C1orf21: variants seen among roughly 807,000 people sequenced by gnomAD.
The protein encoded by C1orf21 is chromosome 1 open reading frame 21.
In C1orf21, 3 loss-of-function variants were observed where a neutral mutation model predicts 18.7. That is an observed-to-expected ratio of 0.16 (90% CI 0.07 to 0.42). The LOEUF is 0.42. Ranked by LOEUF, C1orf21 falls within the 10% of genes least tolerant of loss-of-function variation. The probability of loss-of-function intolerance (pLI) is 0.99; values close to 1 mark genes in which losing one functional copy is unlikely to be tolerated. For missense variants in C1orf21, 104 were observed against 143.6 expected, an observed-to-expected ratio of 0.72 and a Z score of 1.41; for synonymous variants, 41 against 46.4, an observed-to-expected ratio of 0.88 and a Z score of 0.47.
At chr1:184,566,113 C>T (rs890591370) in intron 3 of C1orf21, among the ~76,000 whole-genome samples, 1 of 152,060 alleles carries the variant, frequency 6.6e-6, no homozygotes, top group African/African-American at 2.4e-5. Flanking sequence ...GAAGATCCCC[C>T]AGCAAAGTAG....
At chr1:184,477,869 T>G (rs1003032946) in intron 2 of C1orf21, among the ~76,000 whole-genome samples, 1 of 152,208 alleles carries the variant, frequency 6.6e-6, no homozygotes, top group African/African-American at 2.4e-5. Flanking sequence ...CCTACTCTGT[T>G]ATGGAACATT....
chr1:184,432,842 G>A (rs1557971035), intron 1 of C1orf21, among the ~76,000 whole-genome samples: 1 of 152,114 alleles, frequency 6.6e-6, no homozygotes, highest in Admixed American at 6.5e-5. Flanking sequence ...TGTTTTTGCT[G>A]TCTTTATTGA....
At chr1:184,567,146 C>T (rs1001175397) in intron 3 of C1orf21, 2 of 474,078 alleles carry the variant, frequency 4.2e-6, no homozygotes, top group African/African-American at 4.0e-5. Flanking sequence ...CTGCCTTCTT[C>T]ATGAAGGTGG....
intron 3 of C1orf21, among the ~76,000 whole-genome samples, chr1:184,528,834 GT>G (rs1658415619): frequency 6.6e-6 from 1 of 152,032 alleles, no homozygotes; most frequent in South Asian, 2.1e-4. Flanking sequence ...TCTATTTCCT[GT>G]TTTTTGTTAT....
intron 3 of C1orf21, among the ~76,000 whole-genome samples, chr1:184,528,808 T>C (rs951577029): frequency 6.6e-6 from 1 of 152,222 alleles, no homozygotes; most frequent in Non-Finnish European, 1.5e-5. Context: ...GCTTTTATCT[T>C]GCTGTTGGGT....
intron 4 of C1orf21, among the ~76,000 whole-genome samples, chr1:184,594,433 T>A (rs1659486362): frequency 1.3e-5 from 2 of 152,208 alleles, no homozygotes; most frequent in African/African-American, 4.8e-5. Flanking sequence ...TGGGAGCCCC[T>A]ATGAGAAAAT....
intron 3 of C1orf21, among the ~76,000 whole-genome samples, chr1:184,579,838 T>C (rs1659252657): frequency 6.6e-6 from 1 of 152,134 alleles, no homozygotes; most frequent in Admixed American, 6.5e-5. Flanking sequence ...AGATGACTCC[T>C]TGTGTGAAAG....
intron 3 of C1orf21, among the ~76,000 whole-genome samples, chr1:184,510,248 G>C (rs898441016): frequency 6.6e-6 from 1 of 152,172 alleles, no homozygotes; most frequent in Admixed American, 6.5e-5. Flanking sequence ...CAGTCCTCAA[G>C]GAGCTTACGG....
chr1:184,433,213 G>T (rs1185016252), intron 1 of C1orf21, among the ~76,000 whole-genome samples: 1 of 152,156 alleles, frequency 6.6e-6, no homozygotes, highest in African/African-American at 2.4e-5. Flanking sequence ...AGTCCTTCCT[G>T]CTCTGCTCTA....
chr1:184,416,862 C>G (rs1656460726), intron 1 of C1orf21, among the ~76,000 whole-genome samples: 1 of 152,134 alleles, frequency 6.6e-6, no homozygotes, highest in Non-Finnish European at 1.5e-5. Context: ...ATGCTAGTTT[C>G]TAAAGATGAC....
chr1:184,567,938 C>G (rs1004639165), intron 3 of C1orf21: 38 of 199,058 alleles, frequency 1.9e-4, no homozygotes, highest in Middle Eastern at 1.8e-3. Context: ...GAGATGACCT[C>G]AAGGCAGATA....
In C1orf21 at chr1:184,451,073, T is replaced by C. The variant is rs1408493542; in HGVS notation, c.-124-26313T>C. Among the ~76,000 whole-genome samples the C allele has an allele frequency of 2.0e-5, 3 of 152,322 alleles. No homozygotes were observed. In the East Asian group the frequency reaches 5.8e-4, roughly 29 times the overall value. On this transcript the variant is annotated intron_variant, in intron 1 of 5. Transcript: ENST00000235307. ...TTGTATTTTTAGTAGAGACGGCATT[T>C]CGCCATGTTGGCCAGGCTGGTCTTG...
At chr1:184,611,770 A>C (rs866006720) in intron 5 of C1orf21, among the ~76,000 whole-genome samples, 1 of 152,334 alleles carries the variant, frequency 6.6e-6, no homozygotes, top group Middle Eastern at 3.4e-3. Flanking sequence ...GTTAAGTCCC[A>C]CAGTACAGGA....
chr1:184,537,095 T>G (rs1658568848), intron 3 of C1orf21, among the ~76,000 whole-genome samples: 1 of 152,170 alleles, frequency 6.6e-6, no homozygotes, highest in Admixed American at 6.5e-5. Context: ...GATGTTTGAA[T>G]TAGATACAGC....
rs142604576 is a variant in C1orf21 at position 184,398,196 on chromosome 1, T to G, written c.-125+10828T>G. Among the ~76,000 whole-genome samples, 5 of 152,286 alleles carry G rather than the reference T, an allele frequency of 3.3e-5. No homozygotes were observed. In the East Asian group the frequency reaches 5.8e-4, roughly 18 times the overall value. Reference sequence around the variant, plus strand: ...ATAATGAAAGCTAACATGTACTGAGTGATGACTCTGTGCCTAGGTACTGTG... The same window carrying G: ...ATAATGAAAGCTAACATGTACTGAGGGATGACTCTGTGCCTAGGTACTGTG... On this transcript the variant is annotated intron_variant, in intron 1 of 5. Coordinates refer to ENST00000235307, the MANE Select transcript of C1orf21 (RefSeq NM_030806.4).
intron 1 of C1orf21, among the ~76,000 whole-genome samples, chr1:184,416,568 A>T (rs1205030555): frequency 6.6e-6 from 1 of 152,164 alleles, no homozygotes. Flanking sequence ...GAACTCTTGA[A>T]TTTCCCTTCA....
At chr1:184,591,973 G>A (rs1659444994) in intron 4 of C1orf21, among the ~76,000 whole-genome samples, 1 of 152,074 alleles carries the variant, frequency 6.6e-6, no homozygotes, top group Non-Finnish European at 1.5e-5. Context: ...GCCTACATGT[G>A]GTTTCATTCA....
At chr1:184,409,122 T>G (rs1449248509) in intron 1 of C1orf21, among the ~76,000 whole-genome samples, 1 of 152,188 alleles carries the variant, frequency 6.6e-6, no homozygotes, top group African/African-American at 2.4e-5. Flanking sequence ...CAAAGAAAGC[T>G]TCCTTTGGCA....
intron 3 of C1orf21, among the ~76,000 whole-genome samples, chr1:184,539,366 T>G (rs1658610150): frequency 6.6e-6 from 1 of 152,234 alleles, no homozygotes; most frequent in African/African-American, 2.4e-5. Flanking sequence ...GTGTATAATC[T>G]TTTTACTATG....
Sources: allele counts gnomAD v4.1 joint callset (sites outside exome capture counted in the v4.1 genomes callset), GRCh38; gene constraint gnomAD v4.1.1; transcripts MANE v1.5; gene names NCBI Gene and HGNC (gene_info 2026-07-23, HGNC 2026-07-21).